Variants in CACNA2D1 observed in about 807,000 individuals in gnomAD.
The protein encoded by CACNA2D1 is calcium voltage-gated channel auxiliary subunit alpha2delta 1.
In CACNA2D1, 53 loss-of-function variants were observed where a neutral mutation model predicts 171.5. That is an observed-to-expected ratio of 0.31 (90% CI 0.25 to 0.39). The LOEUF (loss-of-function observed/expected upper bound fraction) is 0.39, where lower values mean the gene tolerates loss of function less well. CACNA2D1 is among the 10% of genes least tolerant of loss of function. The probability of loss-of-function intolerance (pLI) is 1.00; values close to 1 mark genes in which losing one functional copy is unlikely to be tolerated. For missense variants in CACNA2D1, 903 were observed against 1,299.8 expected, an observed-to-expected ratio of 0.69 and a Z score of 4.69; for synonymous variants, 442 against 443.1, an observed-to-expected ratio of 1.00 and a Z score of 0.03.
At chr7:82,374,385 G>A (rs912721990) in intron 1 of CACNA2D1, among the ~76,000 whole-genome samples, 24 of 152,038 alleles carry the variant, frequency 1.6e-4, no homozygotes, top group Non-Finnish European at 2.6e-4. Flanking sequence ...GTACAGACAC[G>A]GCTCTATTTG....
chr7:82,329,052 A>G (rs1355713742), intron 3 of CACNA2D1, among the ~76,000 whole-genome samples: 2 of 152,154 alleles, frequency 1.3e-5, no homozygotes, highest in East Asian at 1.9e-4. Flanking sequence ...AAGACCAGAA[A>G]GCTACATTTT....
chr7:82,247,568 G>T (rs1455681293), intron 3 of CACNA2D1, among the ~76,000 whole-genome samples: 1 of 152,074 alleles, frequency 6.6e-6, no homozygotes, highest in African/African-American at 2.4e-5. Flanking sequence ...ACCCACTGAG[G>T]TCTGTCCAAA....
At chr7:82,101,206 T>C (rs1417134449) in intron 6 of CACNA2D1, among the ~76,000 whole-genome samples, 2 of 152,132 alleles carry the variant, frequency 1.3e-5, no homozygotes, top group Non-Finnish European at 2.9e-5. Flanking sequence ...CAACTGTATA[T>C]TACCAACAGA....
In CACNA2D1 at chr7:82,079,239, C is replaced by G. The variant is rs143507996; in HGVS notation, c.658+5530G>C. 2.6e-3 allele frequency among the ~76,000 whole-genome samples: 399 copies of G among 152,282 alleles called. 2 individuals are homozygous for G. The highest frequency in any genetic ancestry group is 8.8e-3 in the African/African-American group (365 of 41,556). The stretch of plus-strand genomic sequence containing the variant: ...AAACAGATTTAATGCTTCTTATTCT[C>G]TTAACAATTATACCATCTAAGCATT... On this transcript the variant is annotated intron_variant, in intron 7 of 38. Coordinates refer to ENST00000356860, the MANE Select transcript of CACNA2D1 (RefSeq NM_000722.4).
intron 3 of CACNA2D1, among the ~76,000 whole-genome samples, chr7:82,240,565 G>T (rs1804137815): frequency 6.6e-6 from 1 of 152,084 alleles, no homozygotes; most frequent in East Asian, 1.9e-4. Context: ...ATACATCAAA[G>T]AATTCTCACA....
chr7:81,958,427 A>G (rs1466617383), intron 38 of CACNA2D1, among the ~76,000 whole-genome samples: 1 of 152,056 alleles, frequency 6.6e-6, no homozygotes, highest in Non-Finnish European at 1.5e-5. Context: ...AGAATTAGGA[A>G]GTATTGTATT....
At chr7:82,048,912 A>C (rs1439771317) in intron 10 of CACNA2D1, among the ~76,000 whole-genome samples, 1 of 152,042 alleles carries the variant, frequency 6.6e-6, no homozygotes, top group African/African-American at 2.4e-5. Context: ...TAATTCTAAA[A>C]ACAATAGTTC....
At chr7:82,365,554 T>TTG (rs1244617349) in intron 1 of CACNA2D1, among the ~76,000 whole-genome samples, 1 of 152,210 alleles carries the variant, frequency 6.6e-6, no homozygotes, top group Non-Finnish European at 1.5e-5. Flanking sequence ...TCAAATAACA[T>TTG]TGATTTTTGT....
chr7:82,230,086 T>C (rs1182299454), intron 3 of CACNA2D1, among the ~76,000 whole-genome samples: 2 of 152,202 alleles, frequency 1.3e-5, no homozygotes, highest in Non-Finnish European at 2.9e-5. Flanking sequence ...TAAAACTTGG[T>C]GAATTTTCAC....
chr7:82,282,688 A>C (rs1810267737), intron 3 of CACNA2D1, among the ~76,000 whole-genome samples: 1 of 130,230 alleles, frequency 7.7e-6, no homozygotes. Context: ...TGTTGTGTAA[A>C]TAAAATTGTA....
chr7:82,029,734 T>C (rs1391735105), intron 12 of CACNA2D1: 1 of 151,744 alleles, frequency 6.6e-6, no homozygotes, highest in East Asian at 1.9e-4. Context: ...TATATGTATG[T>C]ATGTATGTAT....
intron 3 of CACNA2D1, among the ~76,000 whole-genome samples, chr7:82,172,495 C>T (rs1796115565): frequency 6.6e-6 from 1 of 151,700 alleles, no homozygotes; most frequent in African/African-American, 2.4e-5. Flanking sequence ...CTCTGTCTCC[C>T]AGCCTGGAGT....
At chr7:82,011,530 G>A (rs1045952263) in intron 15 of CACNA2D1, among the ~76,000 whole-genome samples, 5 of 152,236 alleles carry the variant, frequency 3.3e-5, no homozygotes, top group East Asian at 1.9e-4. Flanking sequence ...TCAATTGTGC[G>A]ATGGACAATT....
At chr7:82,049,323 A>C (rs955451063) in intron 10 of CACNA2D1, among the ~76,000 whole-genome samples, 9 of 152,244 alleles carry the variant, frequency 5.9e-5, no homozygotes, top group Admixed American at 1.3e-4. Context: ...TTCTTCTTTT[A>C]ACAAATTCTC....
At chr7:82,158,757 T>C (rs530105287) in intron 4 of CACNA2D1, among the ~76,000 whole-genome samples, 1 of 152,038 alleles carries the variant, frequency 6.6e-6, no homozygotes, top group South Asian at 2.1e-4. Flanking sequence ...GAAAAATGAC[T>C]AAATTTCTGT....
chr7:81,997,437 G>A (rs977591406), intron 18 of CACNA2D1, among the ~76,000 whole-genome samples, 187 bp from the exon 19 acceptor site: 7 of 150,486 alleles, frequency 4.7e-5, no homozygotes, highest in African/African-American at 1.7e-4. Context: ...TAGAGATTGA[G>A]CTTTAAGTGC....
chr7:82,181,804 T>C (rs1797166657), intron 3 of CACNA2D1, among the ~76,000 whole-genome samples: 1 of 152,234 alleles, frequency 6.6e-6, no homozygotes, highest in Non-Finnish European at 1.5e-5. Context: ...TATTGTAATT[T>C]GATGAACTTT....
intron 38 of CACNA2D1, among the ~76,000 whole-genome samples, chr7:81,955,806 A>AATATCCTAG (rs1793185561): frequency 6.7e-6 from 1 of 149,718 alleles, no homozygotes. Context: ...CTGGTACATA[A>AATATCCTAG]ATATCCTAGT....
At chr7:82,031,216 T>TG (rs1365846284) in intron 12 of CACNA2D1, among the ~76,000 whole-genome samples, 5 of 151,784 alleles carry the variant, frequency 3.3e-5, no homozygotes, top group African/African-American at 1.2e-4. Flanking sequence ...CAGTGTGCTA[T>TG]GGGATCAGAG....
Sources: gnomAD v4.1 joint callset for allele counts (sites outside exome capture counted in the v4.1 genomes callset) on GRCh38, gnomAD v4.1.1 for gene constraint, MANE v1.5 for transcripts, NCBI Gene and HGNC (gene_info 2026-07-23, HGNC 2026-07-21) for gene names.